PTCH1: variants seen among roughly 807,000 people sequenced by gnomAD.
PTCH1 encodes protein patched homolog 1.
A neutral mutation model predicts 144.6 loss-of-function variants in PTCH1; 14 were observed. The ratio of observed to expected loss-of-function variants is 0.10; its 90% CI spans 0.06 to 0.15. The LOEUF (loss-of-function observed/expected upper bound fraction) is 0.15, where lower values mean the gene tolerates loss of function less well. Among genes scored for constraint, PTCH1 ranks in the 10% least tolerant of loss-of-function variants. The pLI is 1.00. For missense variants in PTCH1, 1,623 were observed against 1,948.3 expected, an observed-to-expected ratio of 0.83 and a Z score of 3.14; for synonymous variants, 833 against 793.6, an observed-to-expected ratio of 1.05 and a Z score of -0.83.
intron 12 of PTCH1, among the ~76,000 whole-genome samples, chr9:95,475,349 A>G (rs919122779): frequency 5.3e-5 from 8 of 152,104 alleles, no homozygotes; most frequent in African/African-American, 1.9e-4. Context: ...CGTGCTCTGC[A>G]TGGGAAGGTG....
At chr9:95,507,920 G>GCA (rs763385604) in intron 1 of PTCH1, 294 of 952,578 alleles carry the variant, frequency 3.1e-4, no homozygotes, top group East Asian at 4.9e-4. Flanking sequence ...ACACACACAC[G>GCA]CACACACACA....
rs2118034709 is a variant in PTCH1 at position 95,468,866 on chromosome 9, A to T, written c.2135T>A (p.Leu712His). 6.2e-7 allele frequency: 1 copy of T among 1,613,988 alleles called. No homozygotes were observed. The highest frequency in any genetic ancestry group is 8.5e-7 in the Non-Finnish European group (1 of 1,180,020). ...PESTSSTRDL[L>H]SQFSDSSLHC... ...GAGGCTGGAGTCGGAGAACTGGGAG[A>T]GCAGGTCCCTTGTGGAGCTGGTGCT... The change falls in exon 14 of 24, where the codon CTC becomes CAC. Residue 712 changes from leucine to histidine, a missense_variant. Physicochemically the swap from Leu to His is moderately conservative, Grantham distance 99. Coordinates refer to ENST00000331920, the MANE Select transcript of PTCH1 (RefSeq NM_000264.5).
Position 95,449,901 on chromosome 9 carries a change from G to A in PTCH1, c.3489C>T (p.Gly1163=), listed in dbSNP as rs2136607957. The change falls in exon 21 of 24, where the codon GGC becomes GGT. Residue 1163 remains glycine, a synonymous_variant. Transcript: ENST00000331920. The surrounding 1 kb of genome is among the most constrained non-coding windows in gnomAD (Gnocchi z 5.3). The part of the protein sequence containing the change: ...FAVLAILTIL[G]VLNGLVLLPV... ...GAAGCAAAACCAGCCCATTGAGAAC[G>A]CCGAGGATGGTGAGGATCGCCAGCA... The A allele has an allele frequency of 6.2e-7, 1 of 1,614,162 alleles. No homozygotes were observed. The highest frequency in any genetic ancestry group is 8.5e-7 in the Non-Finnish European group (1 of 1,180,030).
At chr9:95,475,218 C>G (rs948466972) in intron 12 of PTCH1, among the ~76,000 whole-genome samples, 6 of 152,178 alleles carry the variant, frequency 3.9e-5, no homozygotes, top group Admixed American at 3.9e-4. Flanking sequence ...CTATCCCCAT[C>G]CCAGGGAACT....
Position 95,506,395 on chromosome 9 carries a change from G to C in PTCH1, c.394+12C>G. The C allele has an allele frequency of 6.2e-7, 1 of 1,607,316 alleles. No homozygotes were observed. The highest frequency in any genetic ancestry group is 8.5e-7 in the Non-Finnish European group (1 of 1,177,670). On this transcript the variant is annotated intron_variant, in intron 2 of 23. Coordinates refer to ENST00000331920, the MANE Select transcript of PTCH1 (RefSeq NM_000264.5). Reference sequence around the variant, plus strand: ...GGGCCGGGGGCGCGGGCGCCGCGGCGGGCGCTCTTACCTTCCACCCACAGC... The same window carrying C: ...GGGCCGGGGGCGCGGGCGCCGCGGCCGGCGCTCTTACCTTCCACCCACAGC...
intron 20 of PTCH1, chr9:95,450,309 T>G (rs968247489): frequency 1.8e-5 from 6 of 333,796 alleles, no homozygotes; most frequent in African/African-American, 4.3e-5. Context: ...ACAAACACAA[T>G]GCCGAGGGGC....
chr9:95,487,125 A>T (rs936721141), intron 2 of PTCH1, among the ~76,000 whole-genome samples: 4 of 152,188 alleles, frequency 2.6e-5, no homozygotes, highest in African/African-American at 9.7e-5. Flanking sequence ...ATATTTTATA[A>T]ACAAGGGGGC....
chr9:95,506,943 G>A lies in PTCH1; in HGVS notation c.202-344C>T, dbSNP rs982154146. The A allele has an allele frequency of 3.9e-6, 4 of 1,033,956 alleles. No homozygotes were observed. The Admixed American group carries it at 1.7e-4, about 44-fold the overall frequency. The allele number at this position is 1,033,956 out of a possible 1,614,324, so 64.0% of individuals were successfully genotyped here. On this transcript the variant is annotated intron_variant, in intron 1 of 23. Coordinates refer to ENST00000331920, the MANE Select transcript of PTCH1 (RefSeq NM_000264.5). ...CGACACAGACAATATTCACCCCAGA[G>A]CTGAGAAGGGAGGGGCTGCGTAATC...
intron 7 of PTCH1, 109 bp from the exon 8 acceptor site, chr9:95,479,256 C>A: frequency 7.2e-7 from 1 of 1,392,206 alleles, no homozygotes; most frequent in East Asian, 2.3e-5. Flanking sequence ...AATTCTTTTC[C>A]TTCTCTGTGA....
chr9:95,493,171 C>T (rs536893145), intron 2 of PTCH1, among the ~76,000 whole-genome samples: 48 of 152,328 alleles, frequency 3.2e-4, no homozygotes, highest in African/African-American at 1.1e-3. Context: ...CAATATGATT[C>T]CAATCCACTG....
At chr9:95,450,809 C>G (rs1838387635) in intron 20 of PTCH1, 1 of 152,242 alleles carries the variant, frequency 6.6e-6, no homozygotes. Context: ...GCTTTCCCAC[C>G]ATTGAGGGCT....
chr9:95,506,353 A>G (rs1372214590), intron 2 of PTCH1, 54 bp downstream of exon 2: 2 of 1,575,444 alleles, frequency 1.3e-6, no homozygotes, highest in African/African-American at 2.7e-5. Flanking sequence ...TATCTCTATC[A>G]ACCGCGAGGA....
chr9:95,459,922 C>T, intron 16 of PTCH1, 139 bp from the exon 17 acceptor site: 2 of 887,354 alleles, frequency 2.3e-6, no homozygotes, highest in Non-Finnish European at 3.6e-6. Flanking sequence ...TGTCGAAAAT[C>T]CCATCAGAAC....
At chr9:95,504,006 G>A (rs1843346098) in intron 2 of PTCH1, among the ~76,000 whole-genome samples, 1 of 105,848 alleles carries the variant, frequency 9.4e-6, no homozygotes, top group Non-Finnish European at 1.8e-5. Flanking sequence ...CTGGGCGACA[G>A]AGCGAGACTC....
chr9:95,467,543 T>C, intron 14 of PTCH1, 118 bp from the exon 15 acceptor site: 1 of 985,734 alleles, frequency 1.0e-6, no homozygotes. Flanking sequence ...TGATTTATCT[T>C]GTAGGGGTTG....
In PTCH1 at chr9:95,467,247, G is replaced by T; in HGVS notation, c.2429C>A (p.Ala810Glu). The part of the protein sequence containing the change: ...FYNMYIVTQK[A>E]DYPNIQHLLY... ...TAAGTGCTGGATATTCGGGTAGTCT[G>T]CTTTCTGGGTGACTATATACATGTT... The change falls in exon 15 of 24, where the codon GCA becomes GAA. Residue 810 changes from alanine to glutamate, a missense_variant. Transcript: ENST00000331920. The T allele has an allele frequency of 6.2e-7, 1 of 1,614,166 alleles. No individual in the cohort carries two copies.
chr9:95,462,732 G>C (rs1366666239), intron 15 of PTCH1, among the ~76,000 whole-genome samples: 3 of 152,228 alleles, frequency 2.0e-5, no homozygotes. Flanking sequence ...GCCAATACAA[G>C]GAGGCTCTGT....
In PTCH1 at chr9:95,449,063, A is replaced by C. The variant is rs1298248967; in HGVS notation, c.3804+6T>G. 1.9e-6 allele frequency: 3 copies of C among 1,614,060 alleles called. No individual in the cohort carries two copies. Among genetic ancestry groups the C allele is most frequent in the Admixed American group, 1.7e-5 (1 of 60,004 alleles). ...CCCCTCCCCCTGGTTCTGCAGAGTCACTTACAGTGGAGTGGGCGAAGACGG... is the reference window on the plus strand; with the variant it reads ...CCCCTCCCCCTGGTTCTGCAGAGTCCCTTACAGTGGAGTGGGCGAAGACGG... On this transcript the variant is annotated splice_donor_region_variant and intron_variant, in intron 22 of 23. Coordinates refer to ENST00000331920, the MANE Select transcript of PTCH1 (RefSeq NM_000264.5). This position sits in a 1 kb window ranked among gnomAD's most constrained non-coding sequence, Gnocchi z 5.3.
At chr9:95,512,761 C>T (rs1358218240), upstream of PTCH1, among the ~76,000 whole-genome samples, 2 of 152,172 alleles carry the variant, frequency 1.3e-5, no homozygotes, top group African/African-American at 4.8e-5. Context: ...CTAAGGTGTC[C>T]TCCGGGAAGA....
Sources: allele counts gnomAD v4.1 joint callset (sites outside exome capture counted in the v4.1 genomes callset), GRCh38; gene constraint gnomAD v4.1.1; non-coding constraint Gnocchi (gnomAD v3.1); transcripts MANE v1.5; gene names NCBI Gene and HGNC (gene_info 2026-07-23, HGNC 2026-07-21).